Variants in CXCL13 observed in about 807,000 individuals in gnomAD.
CXCL13 encodes the protein C-X-C motif chemokine 13.
In CXCL13, 7 loss-of-function variants were observed where a neutral mutation model predicts 12.2. The observed-to-expected ratio is 0.57, with a 90% confidence interval of 0.33 to 1.07. The LOEUF (loss-of-function observed/expected upper bound fraction) is 1.07. Ranked by LOEUF, CXCL13 falls within the 50% of genes least tolerant of loss-of-function variation. The pLI is 0.04. For missense variants in CXCL13, 113 were observed against 127.4 expected (o/e 0.89, Z 0.55); for synonymous variants, 47 against 42.4 (o/e 1.11, Z -0.42).
chr4:77,543,747 T>C (rs1056016442), intron 1 of CXCL13, among the ~76,000 whole-genome samples: 1 of 152,132 alleles, frequency 6.6e-6, no homozygotes, highest in South Asian at 2.1e-4. Context: ...ATTTTTTATT[T>C]TATTTTTTAA....
At chr4:77,514,044 G>C (rs1159696732) in intron 1 of CXCL13, among the ~76,000 whole-genome samples, 6 of 152,030 alleles carry the variant, frequency 3.9e-5, no homozygotes, top group Non-Finnish European at 8.8e-5. Context: ...CTATGAGCGA[G>C]AATATGTGGT....
chr4:77,601,359 TTA>T (rs1209279064), upstream of CXCL13, among the ~76,000 whole-genome samples: 1 of 152,132 alleles, frequency 6.6e-6, no homozygotes, highest in African/African-American at 2.4e-5. Context: ...GCAGTTCTTT[TTA>T]TATAAATTAT....
At chr4:77,586,977 C>T (rs949588094) in intron 1 of CXCL13, among the ~76,000 whole-genome samples, 1 of 152,124 alleles carries the variant, frequency 6.6e-6, no homozygotes, top group South Asian at 2.1e-4. Context: ...GGGGGGACTC[C>T]GTCCTCTTCA....
chr4:77,544,668 T>A (rs1270981192), intron 1 of CXCL13, among the ~76,000 whole-genome samples: 1 of 152,222 alleles, frequency 6.6e-6, no homozygotes, highest in East Asian at 1.9e-4. Flanking sequence ...ATGGGTAGAT[T>A]GCAAAAATTT....
At position 77,611,744 on chromosome 4, in the gene CXCL13, GGC is replaced by G. The variant is rs1727162908; in HGVS notation, c.*707_*708del. 5 of 394,920 alleles carry G rather than the reference GGC, an allele frequency of 1.3e-5. No homozygotes were observed. The highest frequency in any genetic ancestry group is 4.4e-5 in the Admixed American group (1 of 22,592). 24.5% of individuals were successfully genotyped at this position (394,920 alleles called of 1,614,324 possible). A position where few individuals can be genotyped will look rare whatever the true frequency, so the allele number is the denominator to read the frequency against. On this transcript the variant is annotated 3_prime_UTR_variant, in exon 4 of 4. Coordinates refer to ENST00000682537, the MANE Select transcript of CXCL13 (RefSeq NM_001371558.1). ...TTTTTCACTGACTTTTTTTGTGGGG[GGC>G]GGGGCCGGGGGGACTCTGGTATCTA...
Position 77,522,462 on chromosome 4 carries a change from C to T in CXCL13, c.-43+10674C>T, listed in dbSNP as rs1724632724. Among the ~76,000 whole-genome samples the T allele has an allele frequency of 4.6e-5, 6 of 129,142 alleles. No individual in the cohort carries two copies. The South Asian group carries it at 1.5e-3, about 32-fold the overall frequency. 84.7% of individuals were successfully genotyped at this position (129,142 alleles called of 152,430 possible). On this transcript the variant is annotated intron_variant, in intron 1 of 4. Coordinates refer to the CXCL13 transcript ENST00000286758. ...GTAATGGCCTTCTTTGTCTCTTTTGCTCTTTATTTGTTTAAAGTCTGTTTT... is the reference window on the plus strand; with the variant it reads ...GTAATGGCCTTCTTTGTCTCTTTTGTTCTTTATTTGTTTAAAGTCTGTTTT...
At chr4:77,577,144 C>T (rs77663201) in intron 1 of CXCL13, among the ~76,000 whole-genome samples, 2,268 of 152,144 alleles carry the variant, frequency 0.015, 62 homozygotes, top group African/African-American at 0.052. Flanking sequence ...AATAGGATGA[C>T]CATCACCTGG....
At chr4:77,538,478 G>C (rs1402611589) in intron 1 of CXCL13, among the ~76,000 whole-genome samples, 1 of 142,568 alleles carries the variant, frequency 7.0e-6, no homozygotes, top group Non-Finnish European at 1.5e-5. Context: ...GAAGAAATCA[G>C]AAAACATCAC....
intron 1 of CXCL13, among the ~76,000 whole-genome samples, chr4:77,596,871 C>A (rs999504126): frequency 6.6e-6 from 1 of 151,724 alleles, no homozygotes; most frequent in Non-Finnish European, 1.5e-5. Context: ...ACGTTCATTG[C>A]AGCATTACTC....
chr4:77,584,962 A>C (rs1028307978), intron 1 of CXCL13, among the ~76,000 whole-genome samples: 1 of 152,198 alleles, frequency 6.6e-6, no homozygotes, highest in African/African-American at 2.4e-5. Flanking sequence ...TCTAGAGCCC[A>C]ATATATGCTC....
chr4:77,534,027 C>A (rs1188678914), intron 1 of CXCL13, among the ~76,000 whole-genome samples: 4 of 152,196 alleles, frequency 2.6e-5, no homozygotes, highest in Admixed American at 2.6e-4. Context: ...GCTTGGTGCA[C>A]TGCACCCTCT....
intron 1 of CXCL13, among the ~76,000 whole-genome samples, chr4:77,558,842 G>A (rs1252375334): frequency 6.6e-6 from 1 of 152,108 alleles, no homozygotes; most frequent in Non-Finnish European, 1.5e-5. Flanking sequence ...TATTTTCTGG[G>A]CTTGATCCTC....
chr4:77,525,663 A>G (rs1489399120), intron 1 of CXCL13, among the ~76,000 whole-genome samples: 3 of 152,144 alleles, frequency 2.0e-5, no homozygotes, highest in African/African-American at 7.2e-5. Context: ...ATTAACATGT[A>G]CATGTTGCCT....
intron 1 of CXCL13, among the ~76,000 whole-genome samples, chr4:77,571,760 C>T (rs1726088124): frequency 6.6e-6 from 1 of 151,812 alleles, no homozygotes; most frequent in Non-Finnish European, 1.5e-5. Context: ...CCCTTCCACA[C>T]TGTGGAAGCT....
intron 1 of CXCL13, among the ~76,000 whole-genome samples, chr4:77,593,296 G>T (rs953561022): frequency 2.0e-5 from 3 of 152,222 alleles, no homozygotes; most frequent in Admixed American, 6.5e-5. Context: ...AGCCAACAAG[G>T]CTTGAAAGAA....
intron 1 of CXCL13, among the ~76,000 whole-genome samples, chr4:77,513,761 A>T (rs1437026732): frequency 6.7e-6 from 1 of 150,282 alleles, no homozygotes; most frequent in Non-Finnish European, 1.5e-5. Context: ...CTGTTTCCTG[A>T]CTTTTTAACT....
rs1314427290 is a variant in CXCL13 at position 77,610,971 on chromosome 4, T to C, written c.279-17T>C. ...TTCTCTAAACATGACAATTTTGTTTTTGTTTCTGCTTCACAGAAGAAGTTC... is the reference window on the plus strand; with the variant it reads ...TTCTCTAAACATGACAATTTTGTTTCTGTTTCTGCTTCACAGAAGAAGTTC... On this transcript the variant is annotated splice_polypyrimidine_tract_variant and intron_variant, in intron 3 of 3. Transcript: ENST00000682537. 6.2e-7 allele frequency: 1 copy of C among 1,606,518 alleles called. No homozygotes were observed. The highest frequency in any genetic ancestry group is 1.7e-5 in the Admixed American group (1 of 59,768).
At chr4:77,574,813 A>G (rs930892433) in intron 1 of CXCL13, among the ~76,000 whole-genome samples, 2 of 151,942 alleles carry the variant, frequency 1.3e-5, no homozygotes, top group Non-Finnish European at 2.9e-5. Flanking sequence ...GGACTTAAAG[A>G]AGAATAAGTG....
At chr4:77,519,528 G>T (rs1012676898) in intron 1 of CXCL13, among the ~76,000 whole-genome samples, 1 of 152,148 alleles carries the variant, frequency 6.6e-6, no homozygotes, top group Non-Finnish European at 1.5e-5. Context: ...TTTGAGAAGT[G>T]TCTGTTCATA....
Sources: allele counts gnomAD v4.1 joint callset (sites outside exome capture counted in the v4.1 genomes callset), GRCh38; gene constraint gnomAD v4.1.1; transcripts MANE v1.5; gene names NCBI Gene and HGNC (gene_info 2026-07-23, HGNC 2026-07-21).